PRKCB: variants seen among roughly 807,000 people sequenced by gnomAD.
PRKCB encodes protein kinase C beta.
Under a neutral mutation model 81.5 loss-of-function variants are expected in PRKCB, and 13 were observed. The observed-to-expected ratio is 0.16, with a 90% confidence interval of 0.10 to 0.25. PRKCB has a LOEUF of 0.25. Ranked by LOEUF, PRKCB falls within the 10% of genes least tolerant of loss-of-function variation. The pLI, the probability that PRKCB is intolerant of heterozygous loss-of-function variation, is 1.00. For missense variants in PRKCB, 509 were observed against 875.7 expected (o/e 0.58, Z 5.29); for synonymous variants, 335 against 321.4 (o/e 1.04, Z -0.45).
chr16:23,889,904 T>C (rs957408850), intron 2 of PRKCB, among the ~76,000 whole-genome samples: 2 of 152,248 alleles, frequency 1.3e-5, no homozygotes, highest in Admixed American at 6.5e-5. Flanking sequence ...CCTTTTCTTT[T>C]TGGCACCTAT....
intron 2 of PRKCB, chr16:23,893,390 C>G (rs138717643): frequency 6.6e-6 from 1 of 152,316 alleles, no homozygotes; most frequent in East Asian, 1.9e-4. Context: ...GCTGGTTTAA[C>G]AGAGATTATG....
At chr16:24,188,863 C>T (rs1273923623) in intron 15 of PRKCB, among the ~76,000 whole-genome samples, 1 of 152,150 alleles carries the variant, frequency 6.6e-6, no homozygotes, top group East Asian at 1.9e-4. Context: ...GTTGCTGAGG[C>T]CTTAGAGTAT....
At chr16:24,168,986 C>T (rs953803788) in intron 10 of PRKCB, among the ~76,000 whole-genome samples, 6 of 151,970 alleles carry the variant, frequency 3.9e-5, no homozygotes, top group Non-Finnish European at 2.9e-5. Context: ...GCAGTATTGC[C>T]AGGACATCTC....
At chr16:24,108,835 G>T (rs1174425825) in intron 7 of PRKCB, among the ~76,000 whole-genome samples, 1,864 of 151,836 alleles carry the variant, frequency 0.012, no homozygotes, top group African/African-American at 0.042. Context: ...AGCCGCCATT[G>T]TCATCCTGGC....
At chr16:23,968,115 A>G (rs531887926) in intron 2 of PRKCB, among the ~76,000 whole-genome samples, 20 of 151,704 alleles carry the variant, frequency 1.3e-4, no homozygotes, top group Middle Eastern at 6.8e-3. Context: ...TGGGTCTTTG[A>G]GTTTGTGCCT....
intron 2 of PRKCB, among the ~76,000 whole-genome samples, chr16:23,873,006 C>A: frequency 6.6e-6 from 1 of 150,512 alleles, no homozygotes; most frequent in South Asian, 2.1e-4. Context: ...GGTGAAACCC[C>A]GACTCTACTA....
In PRKCB at chr16:23,869,372, T is replaced by TA. The variant is rs1189231902; in HGVS notation, c.205+31967dup. The TA allele has an allele frequency of 1.1e-5, 3 of 261,798 alleles. No homozygotes were observed. In the Admixed American group the frequency reaches 1.5e-4, roughly 13 times the overall value. The allele number at this position is 261,798 out of a possible 1,614,324, so 16.2% of individuals were successfully genotyped here. ...GCACGAGTAAGAGCTAAACTTCGAA[T>TA]ATTGTAAGTCACTAGAATTTTGGGG... On this transcript the variant is annotated intron_variant, in intron 2 of 16. Coordinates refer to ENST00000643927, the MANE Select transcript of PRKCB (RefSeq NM_002738.7).
chr16:23,856,437 A>T (rs1351882632), intron 2 of PRKCB, among the ~76,000 whole-genome samples: 1 of 152,228 alleles, frequency 6.6e-6, no homozygotes, highest in Non-Finnish European at 1.5e-5. Context: ...TCATGAAGTC[A>T]ATATAATAGG....
At chr16:24,122,450 T>C (rs1966809658) in intron 8 of PRKCB, among the ~76,000 whole-genome samples, 1 of 56,654 alleles carries the variant, frequency 1.8e-5, no homozygotes, top group South Asian at 8.5e-4. Context: ...ACCACGAGGC[T>C]TTTTTTTTTT....
rs779746680 is a variant in PRKCB at position 24,113,015 on chromosome 16, G to C, written c.864G>C (p.Val288=). 5.6e-6 allele frequency: 9 copies of C among 1,613,324 alleles called. No individual in the cohort carries two copies. The highest frequency in any genetic ancestry group is 7.6e-6 in the Non-Finnish European group (9 of 1,179,540). The change falls in exon 8 of 17, where the codon GTG becomes GTC. Residue 288 remains valine, a synonymous_variant. Transcript: ENST00000643927. ...LSQEEGEYFN[V]PVPPEGSEAN... ...AGGAGGAAGGCGAGTACTTCAATGT[G>C]CCTGTGCCACCAGAAGGAAGTGAGG...
intron 5 of PRKCB, among the ~76,000 whole-genome samples, chr16:24,052,865 C>T (rs1468253466): frequency 5.3e-5 from 8 of 152,092 alleles, no homozygotes; most frequent in South Asian, 2.1e-4. Context: ...ACTTAGAATC[C>T]CTTAACCTCC....
At chr16:24,075,540 G>A (rs9923820) in intron 5 of PRKCB, among the ~76,000 whole-genome samples, 28,166 of 152,140 alleles carry the variant, frequency 0.19, 5,583 homozygotes, top group African/African-American at 0.5. Context: ...TGCTGATTCA[G>A]TTCCTCTGTT....
intron 2 of PRKCB, among the ~76,000 whole-genome samples, chr16:23,852,753 A>G (rs576691999): frequency 6.6e-6 from 1 of 152,320 alleles, no homozygotes; most frequent in East Asian, 1.9e-4. Context: ...CGTATCCTTC[A>G]GGAGTAATCA....
At chr16:23,895,350 A>G (rs1963362301) in intron 2 of PRKCB, among the ~76,000 whole-genome samples, 1 of 152,004 alleles carries the variant, frequency 6.6e-6, no homozygotes, top group Non-Finnish European at 1.5e-5. Context: ...CACCTCTTAA[A>G]TTTATTCTTC....
intron 9 of PRKCB, among the ~76,000 whole-genome samples, chr16:24,140,088 G>C (rs1049704869): frequency 2.0e-5 from 3 of 152,188 alleles, no homozygotes; most frequent in African/African-American, 7.2e-5. Flanking sequence ...AAGTGCATTT[G>C]ATTCCTTCAA....
intron 16 of PRKCB, among the ~76,000 whole-genome samples, chr16:24,195,090 C>A (rs149911287): frequency 6.6e-6 from 1 of 151,910 alleles, no homozygotes; most frequent in Non-Finnish European, 1.5e-5. Context: ...GTAGTCCCAG[C>A]TACTCAGGAG....
intron 5 of PRKCB, among the ~76,000 whole-genome samples, chr16:24,044,819 A>G (rs1393321971): frequency 6.6e-6 from 1 of 152,224 alleles, no homozygotes; most frequent in Non-Finnish European, 1.5e-5. Context: ...GAACTAGAGG[A>G]ACATCTATGG....
intron 2 of PRKCB, among the ~76,000 whole-genome samples, chr16:23,850,903 G>C (rs539069488): frequency 6.6e-6 from 1 of 152,128 alleles, no homozygotes; most frequent in East Asian, 1.9e-4. Context: ...GTACCTATTG[G>C]CCATTTGTGT....
intron 15 of PRKCB, among the ~76,000 whole-genome samples, chr16:24,188,664 C>G (rs986462463): frequency 1.3e-5 from 2 of 151,942 alleles, no homozygotes; most frequent in Non-Finnish European, 2.9e-5. Context: ...AAACAGAAGC[C>G]CAAATAGACA....
Sources: gnomAD v4.1 joint callset for allele counts (sites outside exome capture counted in the v4.1 genomes callset) on GRCh38, gnomAD v4.1.1 for gene constraint, MANE v1.5 for transcripts, NCBI Gene and HGNC (gene_info 2026-07-23, HGNC 2026-07-21) for gene names.